Variants in SH3GL1 observed in about 807,000 individuals in gnomAD.
SH3GL1 encodes SH3 domain containing GRB2 like 1, endophilin A2.
In SH3GL1, 21 loss-of-function variants were observed where a neutral mutation model predicts 48.8. The observed-to-expected ratio is 0.43, with a 90% CI of 0.30 to 0.62. SH3GL1 has a LOEUF of 0.62. Ranked by LOEUF, SH3GL1 falls within the 20% of genes least tolerant of loss-of-function variation. The probability of loss-of-function intolerance (pLI) is 0.11; values close to 1 mark genes in which losing one functional copy is unlikely to be tolerated. For missense variants in SH3GL1, 454 were observed against 503.0 expected, an observed-to-expected ratio of 0.90 and a Z score of 0.93; for synonymous variants, 282 against 217.5, an observed-to-expected ratio of 1.30 and a Z score of -2.61.
intron 4 of SH3GL1, among the ~76,000 whole-genome samples, chr19:4,364,866 T>TTGTGTGTGTGTGTGTG (rs373324973): frequency 0.026 from 2,504 of 96,858 alleles, 73 homozygotes; most frequent in Non-Finnish European, 0.032. Context: ...ACCCGGCTAA[T>TTGTGTGTGTGTGTGTG]TGTGTGTGTG....
In SH3GL1 at chr19:4,362,477, C is replaced by G. The variant is rs923471271; in HGVS notation, c.854-92G>C. On this transcript the variant is annotated intron_variant, in intron 8 of 9. Coordinates refer to ENST00000269886, the MANE Select transcript of SH3GL1 (RefSeq NM_003025.4). ...GCTGGGGCCAGCCCTTCCCGTCTGC[C>G]TTGGCGGTCCAGATGGAGCACGGCT... The G allele has an allele frequency of 2.1e-5, 33 of 1,570,360 alleles. No homozygotes were observed. The Admixed American group carries it at 5.0e-4, about 24-fold the overall frequency.
intron 1 of SH3GL1, among the ~76,000 whole-genome samples, chr19:4,378,361 A>G (rs243403): frequency 0.98 from 149,671 of 151,966 alleles, 73,720 homozygotes; most frequent in African/African-American, 0.99. Flanking sequence ...GAGCAGGAAC[A>G]CAAACCCCTC....
chr19:4,390,438 GGAA>G (rs1003402104), intron 1 of SH3GL1: 3 of 152,446 alleles, frequency 2.0e-5, no homozygotes, highest in African/African-American at 7.3e-5. Context: ...CAGAGAGAGA[GGAA>G]GAAGAGGTGA....
chr19:4,399,025 A>C (rs1465836923), intron 1 of SH3GL1, among the ~76,000 whole-genome samples: 1 of 152,206 alleles, frequency 6.6e-6, no homozygotes, highest in East Asian at 1.9e-4. Context: ...GTACCCATTA[A>C]AAAGAGCCAA....
chr19:4,386,423 G>C (rs1185147572), intron 1 of SH3GL1, among the ~76,000 whole-genome samples: 2 of 152,144 alleles, frequency 1.3e-5, no homozygotes, highest in African/African-American at 2.4e-5. Context: ...GGCTGGATGG[G>C]GGTGTCCTGG....
chr19:4,395,732 CCT>C, intron 1 of SH3GL1: 1 of 151,868 alleles, frequency 6.6e-6, no homozygotes, highest in African/African-American at 2.4e-5. Context: ...ATGGTGAAAC[CCT>C]GTCTCTACTA....
At chr19:4,380,616 C>T (rs1286914042) in intron 1 of SH3GL1, among the ~76,000 whole-genome samples, 1 of 152,140 alleles carries the variant, frequency 6.6e-6, no homozygotes, top group Non-Finnish European at 1.5e-5. Flanking sequence ...AAAAAACGTG[C>T]GTCAAACTCA....
chr19:4,375,959 T>TA (rs1488529234), intron 1 of SH3GL1, among the ~76,000 whole-genome samples: 1 of 152,116 alleles, frequency 6.6e-6, no homozygotes. Flanking sequence ...AAGGCTTTCT[T>TA]AAAAAACGAT....
rs777161433 is a variant in SH3GL1 at position 4,364,097 on chromosome 19, C to T, written c.456G>A (p.Lys152=). 8.1e-6 allele frequency: 13 copies of T among 1,612,630 alleles called. No individual in the cohort carries two copies. The South Asian group carries it at 1.4e-4, about 18-fold the overall frequency. The change falls in exon 5 of 10, where the codon AAG becomes AAA. Residue 152 remains lysine (K), a synonymous_variant. Coordinates refer to ENST00000269886, the MANE Select transcript of SH3GL1 (RefSeq NM_003025.4). ...GGCGCAGGAGCAGCACCTGGATCTC[C>T]TTCAGGTCTTTCTCGCACAGGTTCT... is the stretch of plus-strand genomic sequence containing the variant. ...PLQNLCEKDL[K]EIQHHLKKLE...
In SH3GL1 at chr19:4,389,110, G is replaced by A. The variant is rs1973288718; in HGVS notation, c.45+11214C>T. Among the ~76,000 whole-genome samples, 1 of 152,216 alleles carries A rather than the reference G, an allele frequency of 6.6e-6. No homozygotes were observed. Among genetic ancestry groups the A allele is most frequent in the Admixed American group, 6.5e-5 (1 of 15,288 alleles). On this transcript the variant is annotated intron_variant, in intron 1 of 9. Transcript: ENST00000269886. This position sits in a 1 kb window ranked among gnomAD's most constrained non-coding sequence, Gnocchi z 4.5. ...TGTGGAGGACAGCCCCTCACTCTGAGAAGGAGCCCTCTAGCTCAGCCTCTG... is the reference window on the plus strand; with the variant it reads ...TGTGGAGGACAGCCCCTCACTCTGAAAAGGAGCCCTCTAGCTCAGCCTCTG...
chr19:4,360,740 A>G lies in SH3GL1; in HGVS notation c.*860T>C, dbSNP rs1179687682. 4.3e-6 allele frequency: 1 copy of G among 233,426 alleles called. No individual in the cohort carries two copies. The highest frequency in any genetic ancestry group is 8.5e-6 in the Non-Finnish European group (1 of 118,246). The allele number at this position is 233,426 out of a possible 1,614,324, so 14.5% of individuals were successfully genotyped here. Reference sequence around the variant, plus strand: ...CCACCAGGGGCTGGGACATGCGCTCACTGGAACCTTTGTGCTTGGCCCTCG... The same window carrying G: ...CCACCAGGGGCTGGGACATGCGCTCGCTGGAACCTTTGTGCTTGGCCCTCG... On this transcript the variant is annotated 3_prime_UTR_variant, in exon 10 of 10. Transcript: ENST00000269886.
rs570237382 is a variant in SH3GL1 at position 4,387,375 on chromosome 19, C to T, written c.45+12949G>A. 2.0e-4 allele frequency among the ~76,000 whole-genome samples: 30 copies of T among 152,214 alleles called. 1 individual carries two copies. The South Asian group carries it at 4.6e-3, about 23-fold the overall frequency. On this transcript the variant is annotated intron_variant, in intron 1 of 9. Transcript: ENST00000269886. ...GGGCAGCGGCATGATGATAGCTCAC[C>T]GCAGCCTCAAACTCCTGGACTTAAG...
At chr19:4,378,427 C>T (rs988130682) in intron 1 of SH3GL1, among the ~76,000 whole-genome samples, 7 of 152,128 alleles carry the variant, frequency 4.6e-5, no homozygotes, top group Non-Finnish European at 7.3e-5. Context: ...AAACTACACA[C>T]CACCAGGCCA....
intron 1 of SH3GL1, among the ~76,000 whole-genome samples, chr19:4,383,209 C>A (rs1272454889): frequency 6.8e-6 from 1 of 146,180 alleles, no homozygotes; most frequent in Non-Finnish European, 1.5e-5. Context: ...TGAGCCACCA[C>A]GCCTGGACAT....
intron 1 of SH3GL1, among the ~76,000 whole-genome samples, chr19:4,368,505 C>CT (rs1258566486): frequency 6.6e-6 from 1 of 152,254 alleles, no homozygotes; most frequent in Non-Finnish European, 1.5e-5. Flanking sequence ...GAGTACACGG[C>CT]TGGTCTTGTG....
Position 4,363,440 on chromosome 19 carries a change from C to A in SH3GL1, c.658G>T (p.Asp220Tyr). The A allele has an allele frequency of 6.2e-7, 1 of 1,612,836 alleles. No individual in the cohort carries two copies. The highest frequency in any genetic ancestry group is 8.5e-7 in the Non-Finnish European group (1 of 1,179,746). The part of the protein sequence containing the change: ...EQVSQLSALV[D>Y]AQLDYHRQAV... ...TGCCGGTGGTAGTCCAGCTGTGCAT[C>A]CACCAGGGCCGAGAGCTGACTCACC... The change falls in exon 7 of 10, where the codon GAT becomes TAT. Residue 220 changes from aspartate to tyrosine, a missense_variant. Physicochemically the swap from Asp to Tyr is radical, Grantham distance 160. Transcript: ENST00000269886.
chr19:4,363,679 G>A, intron 6 of SH3GL1, 41 bp downstream of exon 6: 4 of 1,610,826 alleles, frequency 2.5e-6, no homozygotes, highest in African/African-American at 1.3e-5. Flanking sequence ...GCCTCCCAAG[G>A]GCATAGGTCT....
chr19:4,383,579 T>C (rs559189980), intron 1 of SH3GL1, among the ~76,000 whole-genome samples: 2 of 152,224 alleles, frequency 1.3e-5, no homozygotes, highest in East Asian at 1.9e-4. Context: ...TCACCCACAC[T>C]GAACTCATGG....
chr19:4,389,658 G>A lies in SH3GL1; in HGVS notation c.45+10666C>T, dbSNP rs1434105034. On this transcript the variant is annotated intron_variant, in intron 1 of 9. Transcript: ENST00000269886. The surrounding 1 kb of genome is among the most constrained non-coding windows in gnomAD (Gnocchi z 4.5). ...GGGCGTGCTCACACAAACTCGACAC[G>A]AGGCCATCCGCTGTAGGGTGGGGGC... Among the ~76,000 whole-genome samples, 2 of 152,278 alleles carry A rather than the reference G, an allele frequency of 1.3e-5. No homozygotes were observed. Among genetic ancestry groups the A allele is most frequent in the Admixed American group, 6.5e-5 (1 of 15,306 alleles).
Sources: allele counts gnomAD v4.1 joint callset (sites outside exome capture counted in the v4.1 genomes callset), GRCh38; gene constraint gnomAD v4.1.1; non-coding constraint Gnocchi (gnomAD v3.1); transcripts MANE v1.5; gene names NCBI Gene and HGNC (gene_info 2026-07-23, HGNC 2026-07-21).